Variants in ARHGEF18 observed in about 807,000 individuals in gnomAD.
The protein encoded by ARHGEF18 is rho guanine nucleotide exchange factor 18.
In ARHGEF18, 93 loss-of-function variants were observed where a neutral mutation model predicts 155.7. The observed-to-expected ratio is 0.60, with a 90% CI of 0.50 to 0.71. ARHGEF18 has a LOEUF of 0.71. Ranked by LOEUF, ARHGEF18 falls within the 30% of genes least tolerant of loss-of-function variation. The pLI, the probability that ARHGEF18 is intolerant of heterozygous loss-of-function variation, is 0.00. For synonymous variants in ARHGEF18, 742 were observed against 753.1 expected, an observed-to-expected ratio of 0.99 and a Z score of 0.24; for missense variants, 1,593 against 1,816.1, an observed-to-expected ratio of 0.88 and a Z score of 2.23.
At position 7,444,425 on chromosome 19, in the gene ARHGEF18, C is replaced by T. The variant is rs1353606328; in HGVS notation, c.1582C>T (p.Gln528Ter). Residue 528 changes from glutamine (Q) to a stop codon, truncating the protein, a stop_gained, in exon 14 of 29, where the codon CAG (glutamine) becomes TAG (stop). Transcript: ENST00000668164. LOFTEE classifies it high-confidence loss of function. The surrounding 1 kb of genome is among the most constrained non-coding windows in gnomAD (Gnocchi z 4.7). ...EEGSDRNYVI[Q>*]KIGDLLVQQF... ...GGGCAGTGACCGGAATTATGTCATC[C>T]AGAAAATCGGCGACCTCCTGGTTCA... The T allele has an allele frequency of 6.2e-7, 1 of 1,613,692 alleles. No homozygotes were observed. The highest frequency in any genetic ancestry group is 1.7e-5 in the Admixed American group (1 of 60,020).
At chr19:7,474,885 T>C (rs1599197411), downstream of ARHGEF18, among the ~76,000 whole-genome samples, 2 of 151,518 alleles carry the variant, frequency 1.3e-5, no homozygotes, top group Non-Finnish European at 2.9e-5. Context: ...TCCTCAGCAC[T>C]CCTTATGGGC....
chr19:7,447,981 T>C (rs1485021340), intron 15 of ARHGEF18, among the ~76,000 whole-genome samples: 1 of 152,122 alleles, frequency 6.6e-6, no homozygotes, highest in Non-Finnish European at 1.5e-5. Flanking sequence ...AAGATACATA[T>C]GTATACACAC....
chr19:7,421,807 T>C (rs963104323), intron 10 of ARHGEF18, among the ~76,000 whole-genome samples: 8 of 152,044 alleles, frequency 5.3e-5, no homozygotes, highest in Non-Finnish European at 8.8e-5. Flanking sequence ...TGGCCCTGAC[T>C]CCACGCACGT....
rs139219569 is a variant in ARHGEF18, at chr19:7,455,136, C to T, written c.2105-1191C>T. ...TCATTGAGGTGGCCAAATGACAGCA[C>T]TTGCCCACTCATCATTTGAGTAGGC... is the stretch of plus-strand genomic sequence containing the variant. On this transcript the variant is annotated intron_variant, in intron 17 of 28. Coordinates refer to ENST00000668164, the MANE Select transcript of ARHGEF18 (RefSeq NM_001367823.1). Among the ~76,000 whole-genome samples the T allele has an allele frequency of 7.2e-5, 11 of 152,288 alleles. No homozygotes were observed. In the East Asian group the frequency reaches 1.9e-3, roughly 27 times the overall value.
At position 7,404,589 on chromosome 19, in the gene ARHGEF18, A is replaced by AC. The variant is rs1483539624; in HGVS notation, c.967+21386_967+21387insC. 3.3e-5 allele frequency among the ~76,000 whole-genome samples: 5 copies of AC among 151,070 alleles called. No individual in the cohort carries two copies. In the Admixed American group the frequency reaches 3.3e-4, roughly 10 times the overall value. ...ATTCTCCTGCCTCAGCCTCCCCAGT[A>AC]ACTGGGATTACAGGCGCCCACCACC... On this transcript the variant is annotated intron_variant, in intron 10 of 28. Coordinates refer to ENST00000668164, the MANE Select transcript of ARHGEF18 (RefSeq NM_001367823.1).
intron 8 of ARHGEF18, among the ~76,000 whole-genome samples, chr19:7,381,691 T>TAATA (rs57480401): frequency 0.086 from 12,490 of 146,058 alleles, 680 homozygotes; most frequent in Admixed American, 0.18. Context: ...AATAAATAAA[T>TAATA]AATAAATAAA....
rs146334218 is a variant in ARHGEF18 at position 7,389,304 on chromosome 19, T to G, written c.967+6101T>G. Among the ~76,000 whole-genome samples, 114 of 146,750 alleles carry G rather than the reference T, an allele frequency of 7.8e-4. 1 individual carries two copies. In the East Asian group the frequency reaches 9.2e-3, roughly 12 times the overall value. The stretch of plus-strand genomic sequence containing the variant: ...TAGCTGGGACTAGAAGTGCATGCCA[T>G]CATACCAGGATAATTTTTTTTTTTT... On this transcript the variant is annotated intron_variant, in intron 10 of 28. Coordinates refer to ENST00000668164, the MANE Select transcript of ARHGEF18 (RefSeq NM_001367823.1).
chr19:7,449,407 C>T (rs1975218325), intron 15 of ARHGEF18, among the ~76,000 whole-genome samples: 1 of 152,100 alleles, frequency 6.6e-6, no homozygotes. Flanking sequence ...AACCTCATCT[C>T]TACTAAAACT....
At chr19:7,373,764 G>A (rs535809146) in intron 3 of ARHGEF18, among the ~76,000 whole-genome samples, 1 of 151,206 alleles carries the variant, frequency 6.6e-6, no homozygotes, top group South Asian at 2.1e-4. Flanking sequence ...GTGAGCCACC[G>A]CACCCAGCCT....
Position 7,470,067 on chromosome 19 carries a change from G to T in ARHGEF18, c.3913+38G>T, listed in dbSNP as rs759277119. ...CCCCTGACATGAGCCCAGTCCCAGG[G>T]CAGCGGGGCTGCGGCACCACCCGGC... On this transcript the variant is annotated intron_variant, in intron 28 of 28. Coordinates refer to ENST00000668164, the MANE Select transcript of ARHGEF18 (RefSeq NM_001367823.1). This position sits in a 1 kb window ranked among gnomAD's most constrained non-coding sequence, Gnocchi z 5.9. The T allele has an allele frequency of 2.5e-6, 4 of 1,611,516 alleles. No homozygotes were observed. Among genetic ancestry groups the T allele is most frequent in the Non-Finnish European group, 3.4e-6 (4 of 1,179,168 alleles).
At chr19:7,410,819 A>AAAAG (rs1972631680) in intron 10 of ARHGEF18, among the ~76,000 whole-genome samples, 1 of 151,278 alleles carries the variant, frequency 6.6e-6, no homozygotes, top group African/African-American at 2.4e-5. Flanking sequence ...CAAAAAAAAA[A>AAAAG]AAAAAAAAAG....
intron 10 of ARHGEF18, among the ~76,000 whole-genome samples, chr19:7,431,745 C>T (rs971559142): frequency 2.6e-5 from 4 of 152,154 alleles, no homozygotes; most frequent in Admixed American, 2.0e-4. Context: ...ACCCAGGAGG[C>T]GGAGGTTGCG....
intron 8 of ARHGEF18, among the ~76,000 whole-genome samples, chr19:7,382,410 ATAAC>A (rs1970790323): frequency 6.6e-6 from 1 of 150,400 alleles, no homozygotes; most frequent in African/African-American, 2.5e-5. Flanking sequence ...AAATAACAAA[ATAAC>A]TAAATAAATA....
At position 7,467,256 on chromosome 19, in the gene ARHGEF18, G is replaced by T; in HGVS notation, c.3052G>T (p.Ala1018Ser). The change falls in exon 26 of 29, where the codon GCT becomes TCT. Residue 1018 changes from alanine to serine, a missense_variant. Coordinates refer to ENST00000668164, the MANE Select transcript of ARHGEF18 (RefSeq NM_001367823.1). ...GGACAGCTATGTGGAGACGCAGCGG[G>T]CTGCCATCCAGGAGCGGGAGAAGCA... ...HQDSYVETQR[A>S]AIQEREKQFR... The T allele has an allele frequency of 1.9e-6, 3 of 1,570,536 alleles. No individual in the cohort carries two copies. The highest frequency in any genetic ancestry group is 2.6e-6 in the Non-Finnish European group (3 of 1,159,640).
chr19:7,414,968 C>T (rs1475954111), intron 10 of ARHGEF18, among the ~76,000 whole-genome samples: 1 of 152,076 alleles, frequency 6.6e-6, no homozygotes, highest in Non-Finnish European at 1.5e-5. Flanking sequence ...GCACTCCAGC[C>T]TGGGCCACAG....
At chr19:7,455,321 A>T (rs1426644119) in intron 17 of ARHGEF18, among the ~76,000 whole-genome samples, 1 of 152,230 alleles carries the variant, frequency 6.6e-6, no homozygotes, top group Non-Finnish European at 1.5e-5. Flanking sequence ...AACTAGTTAG[A>T]AGTCCAGCAC....
Position 7,470,520 on chromosome 19 carries a change from T to TC in ARHGEF18, c.*222_*223insC. 1 of 419,860 alleles carries TC rather than the reference T, an allele frequency of 2.4e-6. No individual in the cohort carries two copies. 26.0% of individuals were successfully genotyped at this position (419,860 alleles called of 1,614,324 possible). On this transcript the variant is annotated 3_prime_UTR_variant, in exon 29 of 29. Coordinates refer to ENST00000668164, the MANE Select transcript of ARHGEF18 (RefSeq NM_001367823.1). This position sits in a 1 kb window ranked among gnomAD's most constrained non-coding sequence, Gnocchi z 5.9. ...CCGGGGTCACTTTCTGAATCTCTTT[T>TC]TTTTTTTTTCAAAAAGGAAAGTTTT... is the stretch of plus-strand genomic sequence containing the variant.
chr19:7,368,637 A>G (rs1970051196), intron 2 of ARHGEF18, among the ~76,000 whole-genome samples: 1 of 152,012 alleles, frequency 6.6e-6, no homozygotes, highest in Non-Finnish European at 1.5e-5. Context: ...GATGCAGGAG[A>G]AAGAGGGAGG....
rs1318911644 is a variant in ARHGEF18, at chr19:7,467,085, C to G, written c.2976C>G (p.Ile992Met). The G allele has an allele frequency of 6.2e-7, 1 of 1,608,786 alleles. No homozygotes were observed. Among genetic ancestry groups the G allele is most frequent in the East Asian group, 2.2e-5 (1 of 44,720 alleles). Residue 992 changes from isoleucine (I) to methionine (M), a missense_variant, in exon 25 of 29, where the codon ATC (isoleucine) becomes ATG (methionine). Physicochemically the swap from Ile to Met is conservative, Grantham distance 10. Transcript: ENST00000668164. ...TVLESELVQR[I>M]QTLSQLLLNL... is the part of the protein sequence containing the mutation. ...CCTCTCCGCAGCTTGTCCAGCGGAT[C>G]CAGACACTGTCCCAGCTGCTCCTGA... is the stretch of plus-strand genomic sequence containing the variant.
Sources: gnomAD v4.1 joint callset for allele counts (sites outside exome capture counted in the v4.1 genomes callset) on GRCh38, gnomAD v4.1.1 for gene constraint, Gnocchi (gnomAD v3.1) non-coding constraint, MANE v1.5 for transcripts, NCBI Gene and HGNC (gene_info 2026-07-23, HGNC 2026-07-21) for gene names.